The following SALL2 variants were observed in gnomAD, a reference collection of about 807,000 sequenced individuals.
The protein encoded by SALL2 is spalt like transcription factor 2, also known as sal-like protein 2.
Under a neutral mutation model 58.5 loss-of-function variants are expected in SALL2, and 32 were observed. The ratio of observed to expected loss-of-function variants is 0.55; its 90% CI spans 0.41 to 0.74. SALL2 has a LOEUF of 0.74. SALL2 is among the 30% of genes least tolerant of loss of function. The probability of loss-of-function intolerance (pLI) is 0.00; values close to 1 mark genes in which losing one functional copy is unlikely to be tolerated. For missense variants in SALL2, 1,201 were observed against 1,268.9 expected (o/e 0.95, Z 0.81); for synonymous variants, 516 against 513.6 (o/e 1.00, Z -0.06).
Position 21,521,876 on chromosome 14 carries a change from T to G in SALL2, c.*828A>C. 4.5e-6 allele frequency: 5 copies of G among 1,115,814 alleles called. No homozygotes were observed. Among genetic ancestry groups the G allele is most frequent in the Non-Finnish European group, 6.2e-6 (5 of 803,974 alleles). The allele number at this position is 1,115,814 out of a possible 1,614,324, so 69.1% of individuals were successfully genotyped here. The stretch of plus-strand genomic sequence containing the variant: ...TTACCTTAATGTGACCATCAGGGGA[T>G]TTACTGGGAAAATTTTCCTATGCCC... On this transcript the variant is annotated 3_prime_UTR_variant, in exon 2 of 2. Transcript: ENST00000537235.
chr14:21,527,200 G>T (rs1045501591), upstream of SALL2, among the ~76,000 whole-genome samples: 1 of 152,176 alleles, frequency 6.6e-6, no homozygotes. Context: ...TCTAACCTGG[G>T]GGGGAGGGGA....
chr14:21,526,052 C>T lies in SALL2; in HGVS notation c.67+9G>A. ...CCACCCCTGCCCAGCCCGACCGACC[C>T]TACCGCACCTCCGAGCTCTGCCGGC... On this transcript the variant is annotated intron_variant, in intron 1 of 1. Transcript: ENST00000537235. 1 of 1,535,188 alleles carries T rather than the reference C, an allele frequency of 6.5e-7. No homozygotes were observed. Among genetic ancestry groups the T allele is most frequent in the South Asian group, 1.2e-5 (1 of 84,024 alleles).
At chr14:21,531,530 C>T (rs888390778) in intron 1 of SALL2, among the ~76,000 whole-genome samples, 10 of 152,096 alleles carry the variant, frequency 6.6e-5, no homozygotes, top group Admixed American at 5.9e-4. Context: ...CCTCACCCTC[C>T]CTAGTAGCTG....
chr14:21,523,232 A>G lies in SALL2; in HGVS notation c.2490T>C (p.Thr830=). 1 of 1,613,846 alleles carries G rather than the reference A, an allele frequency of 6.2e-7. No homozygotes were observed. Among genetic ancestry groups the G allele is most frequent in the South Asian group, 1.1e-5 (1 of 91,082 alleles). Reference sequence around the variant, plus strand: ...GTGGTGGTGGCAAAGAAGACTGTTGAGTAGTTTTCTCATTACTGTCCATCT... The same window carrying G: ...GTGGTGGTGGCAAAGAAGACTGTTGGGTAGTTTTCTCATTACTGTCCATCT... ...GKEMDSNEKT[T]QQSSLPPPPP... Residue 830 remains threonine, a synonymous_variant, in exon 2 of 2, where the codon ACT becomes ACC. Coordinates refer to ENST00000537235, the MANE Select transcript of SALL2 (RefSeq NM_001364564.1). The surrounding 1 kb of genome is among the most constrained non-coding windows in gnomAD (Gnocchi z 4.4).
chr14:21,532,585 G>A (rs537680567), intron 1 of SALL2, among the ~76,000 whole-genome samples: 156 of 152,216 alleles, frequency 1.0e-3, no homozygotes, highest in African/African-American at 3.5e-3. Context: ...AGGTTTCAGT[G>A]AGCCGAGACG....
rs768978791 is a variant in SALL2, at chr14:21,522,960, T to C, written c.2762A>G (p.Gln921Arg). ...CEVCGQAFPS[Q>R]AALEEHQKTH... Reference sequence around the variant, plus strand: ...CTTCTGATGCTCCTCCAGAGCTGCCTGGGAGGGAAAGGCCTGGCCACACAC... The same window carrying C: ...CTTCTGATGCTCCTCCAGAGCTGCCCGGGAGGGAAAGGCCTGGCCACACAC... The change falls in exon 2 of 2, where the codon CAG becomes CGG. Residue 921 changes from glutamine (Q) to arginine (R), a missense_variant. By Grantham distance (43) the Gln-to-Arg change is conservative. This residue lies in a region of SALL2 where 675 missense variants were observed against 683.8 expected (regional missense o/e 0.99). Coordinates refer to ENST00000537235, the MANE Select transcript of SALL2 (RefSeq NM_001364564.1). The C allele has an allele frequency of 6.2e-7, 1 of 1,614,110 alleles. No homozygotes were observed. Among genetic ancestry groups the C allele is most frequent in the Non-Finnish European group, 8.5e-7 (1 of 1,180,012 alleles).
Position 21,536,175 on chromosome 14 carries a change from T to C in SALL2, c.-114+787A>G, listed in dbSNP as rs111704006. ...AACACGGTATCCTCATAAAATGATA[T>C]GCATGTAGTAACAGGTGTATTTTCT... On this transcript the variant is annotated intron_variant, in intron 1 of 1. Transcript: ENST00000541965. Among the ~76,000 whole-genome samples the C allele has an allele frequency of 4.1e-3, 621 of 152,346 alleles. 8 individuals carry two copies. The highest frequency in any genetic ancestry group is 0.014 in the African/African-American group (588 of 41,592).
At chr14:21,537,088 T>G in exon 1 of SALL2, 2 of 619,316 alleles carry the variant, frequency 3.2e-6, no homozygotes, top group South Asian at 3.9e-5. Flanking sequence ...AGACTCTCTC[T>G]CTCTCTCTGA....
chr14:21,535,161 C>T (rs567017735), intron 1 of SALL2, among the ~76,000 whole-genome samples: 1 of 151,604 alleles, frequency 6.6e-6, no homozygotes, highest in African/African-American at 2.4e-5. Context: ...CTGGCTAACA[C>T]GGTGAAACCC....
rs1213762025 is a variant in SALL2, at chr14:21,521,231, C to G, written c.*1473G>C. ...AATAGCAAAACCCTCACTCTCTCCT[C>G]CTCAGAACTCCTGTTCCAAATGATC... On this transcript the variant is annotated 3_prime_UTR_variant, in exon 2 of 2. Transcript: ENST00000537235. 1 of 152,214 alleles carries G rather than the reference C, an allele frequency of 6.6e-6. No individual in the cohort carries two copies. The highest frequency in any genetic ancestry group is 1.5e-5 in the Non-Finnish European group (1 of 68,048). The allele number at this position is 152,214 out of a possible 1,614,324, so 9.4% of individuals were successfully genotyped here. A position where few individuals can be genotyped will look rare whatever the true frequency, so the allele number is the denominator to read the frequency against.
Position 21,522,931 on chromosome 14 carries a change from G to T in SALL2, c.2791C>A (p.His931Asn), listed in dbSNP as rs1484963084. The change falls in exon 2 of 2, where the codon CAC becomes AAC. Residue 931 changes from histidine to asparagine, a missense_variant. Coordinates refer to ENST00000537235, the MANE Select transcript of SALL2 (RefSeq NM_001364564.1). ...GTGAAGAGCGGCCCCTCCTTGGGGT[G>T]GGTCTTCTGATGCTCCTCCAGAGCT... ...QAALEEHQKTHPKEGPLFTCV... is the reference protein window; with the variant it reads ...QAALEEHQKTNPKEGPLFTCV... 1.9e-6 allele frequency: 3 copies of T among 1,613,900 alleles called. No homozygotes were observed. Among genetic ancestry groups the T allele is most frequent in the Non-Finnish European group, 2.5e-6 (3 of 1,179,962 alleles).
In SALL2 at chr14:21,526,106, T is replaced by A. The variant is rs1285534677; in HGVS notation, c.22A>T (p.Ser8Cys). ...CCGCAGGGCACCCCGAGACGAGAGCTCCTCTCGGATTCGTGCGCCATGGTT... is the reference window on the plus strand; with the variant it reads ...CCGCAGGGCACCCCGAGACGAGAGCACCTCTCGGATTCGTGCGCCATGGTT... MAHESER[S>C]SRLGVPCGEP... Residue 8 changes from serine (S) to cysteine (C), a missense_variant, in exon 1 of 2, where the codon AGC (serine) becomes TGC (cysteine). Physicochemically the swap from Ser to Cys is moderately radical, Grantham distance 112. This residue lies in a region of SALL2 where 467 missense variants were observed against 468.9 expected (regional missense o/e 1.00). Coordinates refer to ENST00000537235, the MANE Select transcript of SALL2 (RefSeq NM_001364564.1). 5 of 1,538,690 alleles carry A rather than the reference T, an allele frequency of 3.2e-6. No homozygotes were observed. In the Admixed American group the frequency reaches 9.7e-5, roughly 30 times the overall value.
At position 21,522,422 on chromosome 14, in the gene SALL2, G is replaced by T. The variant is rs1178297472; in HGVS notation, c.*282C>A. On this transcript the variant is annotated 3_prime_UTR_variant, in exon 2 of 2. Transcript: ENST00000537235. ...AGAGGAGAGAGGAGGGGGAAGAAGG[G>T]TCACACCAGGGAAGCTGGAGAGGGT... The T allele has an allele frequency of 7.1e-7, 1 of 1,409,016 alleles. No individual in the cohort carries two copies. The highest frequency in any genetic ancestry group is 9.2e-7 in the Non-Finnish European group (1 of 1,084,782). The allele number at this position is 1,409,016 out of a possible 1,614,324, so 87.3% of individuals were successfully genotyped here. A position where few individuals can be genotyped will look rare whatever the true frequency, so the allele number is the denominator to read the frequency against.
chr14:21,534,823 C>A (rs143508161), intron 1 of SALL2, among the ~76,000 whole-genome samples: 93 of 152,164 alleles, frequency 6.1e-4, no homozygotes, highest in African/African-American at 2.1e-3. Flanking sequence ...GGGAAGGATG[C>A]CATCACCATA....
In SALL2 at chr14:21,523,778, A is replaced by G; in HGVS notation, c.1944T>C (p.Tyr648=). The G allele has an allele frequency of 6.2e-7, 1 of 1,614,222 alleles. No homozygotes were observed. Among genetic ancestry groups the G allele is most frequent in the Non-Finnish European group, 8.5e-7 (1 of 1,180,044 alleles). ...LSCPRALRLH[Y]GQHGGERPFK... ...AGGGCCTCTCACCTCCATGTTGGCC[A>G]TAATGAAGGCGTAGGGCCCGAGGAC... The change falls in exon 2 of 2, where the codon TAT becomes TAC. Residue 648 remains tyrosine (Y), a synonymous_variant. Coordinates refer to ENST00000537235, the MANE Select transcript of SALL2 (RefSeq NM_001364564.1). This position sits in a 1 kb window ranked among gnomAD's most constrained non-coding sequence, Gnocchi z 4.4.
At chr14:21,527,535 A>G (rs1892354091), upstream of SALL2, among the ~76,000 whole-genome samples, 1 of 152,136 alleles carries the variant, frequency 6.6e-6, no homozygotes, top group African/African-American at 2.4e-5. Flanking sequence ...TCCCAGTTCT[A>G]TTCTTGCCTC....
At position 21,521,181 on chromosome 14, in the gene SALL2, G is replaced by C. The variant is rs565972070; in HGVS notation, c.*1523C>G. The C allele has an allele frequency of 6.6e-6, 1 of 152,340 alleles. No individual in the cohort carries two copies. The highest frequency in any genetic ancestry group is 2.4e-5 in the African/African-American group (1 of 41,562). 9.4% of individuals were successfully genotyped at this position (152,340 alleles called of 1,614,324 possible). On this transcript the variant is annotated 3_prime_UTR_variant, in exon 2 of 2. Transcript: ENST00000537235. ...GGAAGCTCTGGAGCCTACAGCTTGA[G>C]GAGAAGCCATCGTTCAAGTCAGTCA...
At position 21,523,840 on chromosome 14, in the gene SALL2, G is replaced by A. The variant is rs1179395433; in HGVS notation, c.1882C>T (p.Pro628Ser). ...PAPSSSASSG[P>S]NQCVICLRVL... ...CGGAGACAGATGACACACTGGTTAGGTCCAGAAGAGGCTGAGGATGAAGGT... is the reference window on the plus strand; with the variant it reads ...CGGAGACAGATGACACACTGGTTAGATCCAGAAGAGGCTGAGGATGAAGGT... The change falls in exon 2 of 2, where the codon CCT becomes TCT. Residue 628 changes from proline (P) to serine (S), a missense_variant. Around this residue, in one of 3 missense-constraint regions of SALL2, gnomAD observed 675 missense variants for 683.8 expected, o/e 0.99. Coordinates refer to ENST00000537235, the MANE Select transcript of SALL2 (RefSeq NM_001364564.1). This position sits in a 1 kb window ranked among gnomAD's most constrained non-coding sequence, Gnocchi z 4.4. 1 of 1,614,084 alleles carries A rather than the reference G, an allele frequency of 6.2e-7. No homozygotes were observed. Among genetic ancestry groups the A allele is most frequent in the Non-Finnish European group, 8.5e-7 (1 of 1,180,036 alleles).
intron 1 of SALL2, chr14:21,536,923 C>T (rs1892612792): frequency 1.2e-6 from 2 of 1,613,958 alleles, no homozygotes; most frequent in Non-Finnish European, 1.7e-6. Context: ...CCGAGACATT[C>T]CCGGGTAGAG....
Sources: gnomAD v4.1 joint callset for allele counts (sites outside exome capture counted in the v4.1 genomes callset) on GRCh38, gnomAD v4.1.1 for gene constraint, gnomAD v4.1.1 regional missense constraint, Gnocchi (gnomAD v3.1) non-coding constraint, MANE v1.5 for transcripts, NCBI Gene and HGNC (gene_info 2026-07-23, HGNC 2026-07-21) for gene names.